KRT78: variants seen among roughly 807,000 people sequenced by gnomAD.
KRT78 encodes the protein keratin, type II cytoskeletal 78.
A neutral mutation model predicts 51.4 loss-of-function variants in KRT78; 55 were observed. That is an observed-to-expected ratio of 1.07 (90% CI 0.86 to 1.34). The LOEUF (loss-of-function observed/expected upper bound fraction) is 1.34, where lower values mean the gene tolerates loss of function less well. Ranked by LOEUF, KRT78 falls within the 40% of genes most tolerant of loss-of-function variation. The pLI is 0.00. For missense variants in KRT78, 652 were observed against 649.4 expected, an observed-to-expected ratio of 1.00 and a Z score of -0.04; for synonymous variants, 291 against 264.3, an observed-to-expected ratio of 1.10 and a Z score of -0.98.
intron 6 of KRT78, among the ~76,000 whole-genome samples, 164 bp downstream of exon 6, chr12:52,843,929 C>T (rs929627362): frequency 6.6e-6 from 1 of 152,116 alleles, no homozygotes; most frequent in South Asian, 2.1e-4. Context: ...CTAGATGGGG[C>T]TTGAAGTTCT....
rs572340493 is a variant in KRT78, at chr12:52,847,829, C to T, written c.599+78G>A. Reference sequence around the variant, plus strand: ...GCCTCTGGGTGCTCAGTATGTGGGACACCTCCTGGCTGACAGACCCAAACT... The same window carrying T: ...GCCTCTGGGTGCTCAGTATGTGGGATACCTCCTGGCTGACAGACCCAAACT... On this transcript the variant is annotated intron_variant, in intron 2 of 8. Coordinates refer to ENST00000304620, the MANE Select transcript of KRT78 (RefSeq NM_173352.4). The T allele has an allele frequency of 5.4e-6, 7 of 1,285,778 alleles. No homozygotes were observed. The African/African-American group carries it at 8.7e-5, about 16-fold the overall frequency. The allele number at this position is 1,285,778 out of a possible 1,614,324, so 79.6% of individuals were successfully genotyped here.
Position 52,848,666 on chromosome 12 carries a change from T to C in KRT78, c.265A>G (p.Asn89Asp). The stretch of plus-strand genomic sequence containing the variant: ...TTCAGTGGGGTCAGCAGATTCTGGT[T>C]GATGGTCACTTCTTGGATGCCCCCC... ...PPGGIQEVTI[N>D]QNLLTPLKIE... The change falls in exon 1 of 9, where the codon AAC becomes GAC. Residue 89 changes from asparagine to aspartate, a missense_variant. Transcript: ENST00000304620. 1 of 1,613,844 alleles carries C rather than the reference T, an allele frequency of 6.2e-7. No individual in the cohort carries two copies.
chr12:52,839,789 T>C lies in KRT78; in HGVS notation c.1243A>G (p.Arg415Gly), dbSNP rs774328113. 1.9e-6 allele frequency: 3 copies of C among 1,613,924 alleles called. No homozygotes were observed. In the African/African-American group the frequency reaches 4.0e-5, roughly 22 times the overall value. The change falls in exon 7 of 9, where the codon AGG becomes GGG. Residue 415 changes from arginine to glycine, a missense_variant. Coordinates refer to ENST00000304620, the MANE Select transcript of KRT78 (RefSeq NM_173352.4). The stretch of plus-strand genomic sequence containing the variant: ...CTGCACTCCTCGCCCTCCAGCAGCC[T>C]GCGGTAAGTGGCAATCTCCACATCC... ...SLDVEIATYR[R>G]LLEGEECRMS...
At chr12:52,846,119 A>C (rs1940635949) in intron 4 of KRT78, 78 bp downstream of exon 4, 6 of 926,624 alleles carry the variant, frequency 6.5e-6, no homozygotes, top group Non-Finnish European at 1.1e-5. Context: ...CCTCTTGGCC[A>C]TTCTCCTCAT....
At chr12:52,845,877 C>T (rs950066109) in intron 4 of KRT78, 8 of 263,550 alleles carry the variant, frequency 3.0e-5, no homozygotes, top group African/African-American at 6.8e-5. Context: ...TGCTTGAAGC[C>T]GGGAGGCAGA....
chr12:52,842,300 C>A (rs572249871), intron 6 of KRT78, among the ~76,000 whole-genome samples: 121 of 152,252 alleles, frequency 7.9e-4, no homozygotes, highest in African/African-American at 2.8e-3. Context: ...CCATTGACAC[C>A]CAAATTGATA....
intron 4 of KRT78, 69 bp from the exon 5 acceptor site, chr12:52,844,792 G>T: frequency 6.9e-7 from 1 of 1,446,720 alleles, no homozygotes; most frequent in Admixed American, 2.0e-5. Context: ...TAGGATGGTT[G>T]AGCAGGATGA....
At chr12:52,842,536 A>G (rs2120399158) in intron 6 of KRT78, among the ~76,000 whole-genome samples, 1 of 152,072 alleles carries the variant, frequency 6.6e-6, no homozygotes, top group South Asian at 2.1e-4. Context: ...CTGGCTCCCA[A>G]CTTCCCCCAC....
intron 6 of KRT78, among the ~76,000 whole-genome samples, chr12:52,842,410 G>C (rs1940519435): frequency 6.6e-6 from 1 of 152,134 alleles, no homozygotes; most frequent in South Asian, 2.1e-4. Context: ...AGGAGGAGCA[G>C]GAAACGGCCT....
Position 52,839,140 on chromosome 12 carries a change from C to T in KRT78, c.1536G>A (p.Ser512=), listed in dbSNP as rs140251181. The T allele has an allele frequency of 1.2e-4, 190 of 1,613,316 alleles. 1 individual carries two copies. The Middle Eastern group carries it at 1.3e-3, about 11-fold the overall frequency. The change falls in exon 9 of 9, where the codon TCG becomes TCA. Residue 512 remains serine, a synonymous_variant. Coordinates refer to ENST00000304620, the MANE Select transcript of KRT78 (RefSeq NM_173352.4). ...AGTAGGTGATGGATGTCTTCAGACTCGACTCAACTGTCTTCTTCAGGATGG... is the reference window on the plus strand; with the variant it reads ...AGTAGGTGATGGATGTCTTCAGACTTGACTCAACTGTCTTCTTCAGGATGG... ...CHTILKKTVE[S]SLKTSITY is the part of the protein sequence containing the mutation.
chr12:52,842,109 A>C (rs1481050759), intron 6 of KRT78, among the ~76,000 whole-genome samples: 1 of 152,200 alleles, frequency 6.6e-6, no homozygotes, highest in Admixed American at 6.5e-5. Context: ...AAGAGGATTC[A>C]TCACATTCAT....
rs1334218887 is a variant in KRT78, at chr12:52,848,671, G to A, written c.260C>T (p.Thr87Ile). 2 of 1,613,800 alleles carry A rather than the reference G, an allele frequency of 1.2e-6. No individual in the cohort carries two copies. Among genetic ancestry groups the A allele is most frequent in the Admixed American group, 1.7e-5 (1 of 59,996 alleles). ...LCPPGGIQEV[T>I]INQNLLTPLK... ...TGGGGTCAGCAGATTCTGGTTGATG[G>A]TCACTTCTTGGATGCCCCCCGGAGG... is the stretch of plus-strand genomic sequence containing the variant. The change falls in exon 1 of 9, where the codon ACC becomes ATC. Residue 87 changes from threonine to isoleucine, a missense_variant. Coordinates refer to ENST00000304620, the MANE Select transcript of KRT78 (RefSeq NM_173352.4).
rs781718302 is a variant in KRT78, at chr12:52,847,968, G to T, written c.538C>A (p.Arg180=). 1 of 1,614,132 alleles carries T rather than the reference G, an allele frequency of 6.2e-7. No individual in the cohort carries two copies. The highest frequency in any genetic ancestry group is 8.5e-7 in the Non-Finnish European group (1 of 1,180,020). Residue 180 remains arginine (R), a synonymous_variant, in exon 2 of 9, where the codon CGA becomes AGA. Coordinates refer to ENST00000304620, the MANE Select transcript of KRT78 (RefSeq NM_173352.4). ...RKQLEQLQGE[R]GALDAELKAC... Reference sequence around the variant, plus strand: ...TTCAACTCAGCATCCAGAGCCCCTCGTTCTCCCTGGAGCTGCTCCAGCTGC... The same window carrying T: ...TTCAACTCAGCATCCAGAGCCCCTCTTTCTCCCTGGAGCTGCTCCAGCTGC...
chr12:52,843,131 C>A (rs1224544207), intron 6 of KRT78, among the ~76,000 whole-genome samples: 1 of 151,246 alleles, frequency 6.6e-6, no homozygotes, highest in Non-Finnish European at 1.5e-5. Context: ...CTTTGGGAGG[C>A]CGAGGCGGGC....
intron 1 of KRT78, chr12:52,848,328 C>T (rs938629860): frequency 2.0e-5 from 30 of 1,489,360 alleles, no homozygotes; most frequent in Admixed American, 1.6e-4. Flanking sequence ...GCCTTCCCCC[C>T]GCTGGCTGGC....
intron 3 of KRT78, 129 bp downstream of exon 3, chr12:52,846,635 G>A: frequency 1.2e-6 from 1 of 855,204 alleles, no homozygotes; most frequent in South Asian, 1.5e-5. Flanking sequence ...TTTCCCAGGG[G>A]ACCCCTGCAG....
At chr12:52,847,026 G>A (rs965963907) in intron 2 of KRT78, among the ~76,000 whole-genome samples, 1 of 152,126 alleles carries the variant, frequency 6.6e-6, no homozygotes, top group Non-Finnish European at 1.5e-5. Context: ...TTTTGATGAC[G>A]ACAGCCACAT....
Position 52,838,912 on chromosome 12 carries a change from C to T in KRT78, c.*201G>A. On this transcript the variant is annotated 3_prime_UTR_variant, in exon 9 of 9. Coordinates refer to ENST00000304620, the MANE Select transcript of KRT78 (RefSeq NM_173352.4). Reference sequence around the variant, plus strand: ...CCGAGGAGAGGAAGCTGGGGAGCCACACAGCTTTTGTTTTGCTGGGTGAGG... The same window carrying T: ...CCGAGGAGAGGAAGCTGGGGAGCCATACAGCTTTTGTTTTGCTGGGTGAGG... 1 of 634,840 alleles carries T rather than the reference C, an allele frequency of 1.6e-6. No homozygotes were observed. The allele number at this position is 634,840 out of a possible 1,614,324, so 39.3% of individuals were successfully genotyped here.
chr12:52,839,736 T>C, intron 7 of KRT78, 28 bp downstream of exon 7: 4 of 1,601,690 alleles, frequency 2.5e-6, no homozygotes, highest in Non-Finnish European at 3.4e-6. Context: ...CAAACTCATA[T>C]TCCCAGGTCC....
Sources: gnomAD v4.1 joint callset for allele counts (sites outside exome capture counted in the v4.1 genomes callset) on GRCh38, gnomAD v4.1.1 for gene constraint, MANE v1.5 for transcripts, NCBI Gene and HGNC (gene_info 2026-07-23, HGNC 2026-07-21) for gene names.